ATP2C2: variants seen among roughly 807,000 people sequenced by gnomAD.
ATP2C2 encodes the protein ATPase secretory pathway Ca2+ transporting 2, also known as calcium-transporting ATPase type 2C member 2.
Under a neutral mutation model 110.8 loss-of-function variants are expected in ATP2C2, and 171 were observed. That is an observed-to-expected ratio of 1.54 (90% CI 1.36 to 1.75). The LOEUF is 1.75. Among genes scored for constraint, ATP2C2 ranks in the 40% most tolerant of loss-of-function variants. ATP2C2 has a pLI of 0.00. For missense variants in ATP2C2, 1,963 were observed against 1,235.0 expected, an observed-to-expected ratio of 1.59 and a Z score of -8.84; for synonymous variants, 804 against 508.4, an observed-to-expected ratio of 1.58 and a Z score of -7.82.
intron 5 of ATP2C2, 37 bp from the exon 6 acceptor site, chr16:84,410,667 C>T: frequency 6.2e-7 from 1 of 1,613,850 alleles, no homozygotes. Flanking sequence ...ATGGAGTCCC[C>T]ACCTTTAAAC....
Position 84,436,834 on chromosome 16 carries a change from C to G in ATP2C2, c.987-2332C>G, listed in dbSNP as rs542338578. On this transcript the variant is annotated intron_variant, in intron 11 of 26. Transcript: ENST00000262429. ...CTGGAGTGCAATGGCACCATCTCAG[C>G]TCACCACAACCTCCACCTCCCAGGT... 7.3e-5 allele frequency among the ~76,000 whole-genome samples: 11 copies of G among 150,658 alleles called. No individual in the cohort carries two copies. In the South Asian group the frequency reaches 2.3e-3, roughly 32 times the overall value.
chr16:84,419,426 C>G (rs1907130532), intron 7 of ATP2C2, among the ~76,000 whole-genome samples: 1 of 152,076 alleles, frequency 6.6e-6, no homozygotes, highest in Non-Finnish European at 1.5e-5. Flanking sequence ...TATGAGGACC[C>G]TCGTGATCTC....
At chr16:84,388,330 A>C (rs1016062199) in intron 1 of ATP2C2, among the ~76,000 whole-genome samples, 1 of 105,144 alleles carries the variant, frequency 9.5e-6, no homozygotes, top group African/African-American at 3.0e-5. Context: ...GTCTCAAAAA[A>C]AAAAGAAAGA....
In ATP2C2 at chr16:84,408,512, G is replaced by T; in HGVS notation, c.417+18G>T. The T allele has an allele frequency of 1.9e-6, 3 of 1,606,424 alleles. No individual in the cohort carries two copies. The highest frequency in any genetic ancestry group is 1.7e-6 in the Non-Finnish European group (2 of 1,176,150). ...TCGCCACGGTGAGTTCCCTGACAGC[G>T]CTCGGCTCCCGGGCGGGCAGCCACA... On this transcript the variant is annotated intron_variant, in intron 4 of 26. Transcript: ENST00000262429.
chr16:84,404,015 C>A (rs1250019231), intron 2 of ATP2C2, among the ~76,000 whole-genome samples: 1 of 152,156 alleles, frequency 6.6e-6, no homozygotes, highest in Non-Finnish European at 1.5e-5. Context: ...GCAAAGGATA[C>A]CGATGAAGAG....
Position 84,379,063 on chromosome 16 carries a change from G to A in ATP2C2, c.99+10349G>A, listed in dbSNP as rs193081827. On this transcript the variant is annotated intron_variant, in intron 1 of 26. Coordinates refer to ENST00000262429, the MANE Select transcript of ATP2C2 (RefSeq NM_014861.4). Reference sequence around the variant, plus strand: ...ATGTGCCATGGTGATCTACTGCACAGATCATCCCATCACCCAGGAATTACG... The same window carrying A: ...ATGTGCCATGGTGATCTACTGCACAAATCATCCCATCACCCAGGAATTACG... Among the ~76,000 whole-genome samples, 9 of 152,018 alleles carry A rather than the reference G, an allele frequency of 5.9e-5. No individual in the cohort carries two copies. In the East Asian group the frequency reaches 1.6e-3, roughly 26 times the overall value.
chr16:84,441,071 C>A (rs945300567), intron 14 of ATP2C2, 113 bp downstream of exon 14: 2 of 920,838 alleles, frequency 2.2e-6, no homozygotes, highest in African/African-American at 1.6e-5. Flanking sequence ...AATGACTGGC[C>A]CATCCAGGGG....
At chr16:84,368,806 T>C (rs1029504996) in intron 1 of ATP2C2, 92 bp downstream of exon 1, 6 of 1,133,762 alleles carry the variant, frequency 5.3e-6, no homozygotes, top group African/African-American at 1.7e-5. Context: ...GCGTTCGCGC[T>C]GCGATCCGCG....
intron 18 of ATP2C2, 76 bp from the exon 19 acceptor site, chr16:84,453,062 T>C: frequency 6.9e-7 from 1 of 1,442,214 alleles, no homozygotes; most frequent in African/African-American, 1.4e-5. Flanking sequence ...GTGTTCCCCA[T>C]GGCCGAGGTG....
intron 24 of ATP2C2, 62 bp downstream of exon 24, chr16:84,460,863 G>T: frequency 6.5e-6 from 10 of 1,533,334 alleles, no homozygotes; most frequent in Non-Finnish European, 8.8e-6. Flanking sequence ...GCTGGGGACT[G>T]CAGTCCCTGC....
At position 84,453,116 on chromosome 16, in the gene ATP2C2, C is replaced by G. The variant is rs1910447911; in HGVS notation, c.1832-22C>G. On this transcript the variant is annotated intron_variant, in intron 18 of 26. Transcript: ENST00000262429. ...GGGGACGCGGGCCTCAGAGCAGGCCCTCAGAACAGGTTCTTCTGAAGGAAG... is the reference window on the plus strand; with the variant it reads ...GGGGACGCGGGCCTCAGAGCAGGCCGTCAGAACAGGTTCTTCTGAAGGAAG... 7 of 1,588,746 alleles carry G rather than the reference C, an allele frequency of 4.4e-6. No homozygotes were observed. The East Asian group carries it at 1.6e-4, about 37-fold the overall frequency.
At position 84,463,847 on chromosome 16, in the gene ATP2C2, G is replaced by C. The variant is rs867119800; in HGVS notation, c.*115G>C. ...AGGAGGCCGCAGCCTTCCATCACCG[G>C]ATCAGTTTTTCCTCTTAGGAAAGCT... On this transcript the variant is annotated 3_prime_UTR_variant, in exon 27 of 27. Transcript: ENST00000262429. 23 of 944,830 alleles carry C rather than the reference G, an allele frequency of 2.4e-5. No individual in the cohort carries two copies. In the Admixed American group the frequency reaches 4.2e-4, roughly 17 times the overall value. The allele number at this position is 944,830 out of a possible 1,614,324, so 58.5% of individuals were successfully genotyped here.
At chr16:84,420,521 T>G (rs994442535) in intron 7 of ATP2C2, among the ~76,000 whole-genome samples, 1 of 151,676 alleles carries the variant, frequency 6.6e-6, no homozygotes, top group African/African-American at 2.4e-5. Context: ...TGTTTTAGAT[T>G]TGTGGGAAAA....
chr16:84,439,103 C>G (rs760624027), intron 11 of ATP2C2, 63 bp from the exon 12 acceptor site: 1 of 1,594,578 alleles, frequency 6.3e-7, no homozygotes, highest in African/African-American at 1.3e-5. Flanking sequence ...ATTGCCAGCC[C>G]CAGCTGAGAG....
At chr16:84,417,268 T>C (rs2150535462) in intron 7 of ATP2C2, among the ~76,000 whole-genome samples, 1 of 152,092 alleles carries the variant, frequency 6.6e-6, no homozygotes, top group African/African-American at 2.4e-5. Flanking sequence ...CGTACTGCAG[T>C]GTGTGTTGGA....
intron 1 of ATP2C2, among the ~76,000 whole-genome samples, chr16:84,395,090 G>A (rs1217334478): frequency 6.6e-6 from 1 of 152,110 alleles, no homozygotes; most frequent in Non-Finnish European, 1.5e-5. Flanking sequence ...TTTGGGTCTC[G>A]TGAACTGTGC....
At chr16:84,390,051 G>T (rs911920244) in intron 1 of ATP2C2, among the ~76,000 whole-genome samples, 2 of 152,144 alleles carry the variant, frequency 1.3e-5, no homozygotes, top group African/African-American at 2.4e-5. Context: ...CGGCAGCCCT[G>T]TGGACCCCGG....
At chr16:84,458,982 G>C (rs1910967332) in intron 21 of ATP2C2, 138 bp from the exon 22 acceptor site, 1 of 889,440 alleles carries the variant, frequency 1.1e-6, no homozygotes, top group Non-Finnish European at 1.8e-6. Context: ...CCCCAAGAAT[G>C]CCAGCAAGGG....
intron 10 of ATP2C2, 100 bp from the exon 11 acceptor site, chr16:84,425,635 T>G (rs1907741601): frequency 4.5e-6 from 6 of 1,321,222 alleles, no homozygotes; most frequent in Non-Finnish European, 5.5e-6. Flanking sequence ...CCTCTGTGCA[T>G]GCATTCCTGT....
Sources: gnomAD v4.1 joint callset for allele counts (sites outside exome capture counted in the v4.1 genomes callset) on GRCh38, gnomAD v4.1.1 for gene constraint, MANE v1.5 for transcripts, NCBI Gene and HGNC (gene_info 2026-07-23, HGNC 2026-07-21) for gene names.